MTX2: variants seen among roughly 807,000 people sequenced by gnomAD.
MTX2 encodes the protein metaxin-2.
In MTX2, 35 loss-of-function variants were observed where a neutral mutation model predicts 42.3. That is an observed-to-expected ratio of 0.83 (90% CI 0.63 to 1.10). The LOEUF is 1.10. Ranked by LOEUF, MTX2 falls within the 50% of genes least tolerant of loss-of-function variation. The pLI, the probability that MTX2 is intolerant of heterozygous loss-of-function variation, is 0.00. For synonymous variants in MTX2, 119 were observed against 100.9 expected, an observed-to-expected ratio of 1.18 and a Z score of -1.08; for missense variants, 307 against 304.1, an observed-to-expected ratio of 1.01 and a Z score of -0.07.
At chr2:176,298,243 T>G (rs1683939037) in intron 3 of MTX2, among the ~76,000 whole-genome samples, 1 of 152,098 alleles carries the variant, frequency 6.6e-6, no homozygotes, top group Admixed American at 6.6e-5. Context: ...GGACTCACAA[T>G]TATTTTCTAA....
Position 176,308,146 on chromosome 2 carries a change from G to A in MTX2, c.135+10251G>A, listed in dbSNP as rs186861353. On this transcript the variant is annotated intron_variant, in intron 3 of 9. Coordinates refer to ENST00000249442, the MANE Select transcript of MTX2 (RefSeq NM_006554.5). ...TTTGTCAAAGGCCTTTTCTGCATCT[G>A]TTGAGATAATCATGTGGTTTTTTTC... 1.5e-3 allele frequency among the ~76,000 whole-genome samples: 224 copies of A among 152,140 alleles called. 2 individuals are homozygous for A. The highest frequency in any genetic ancestry group is 8.2e-3 in the Admixed American group (125 of 15,276).
chr2:176,306,450 G>GTAAT (rs1048495142), intron 3 of MTX2, among the ~76,000 whole-genome samples: 25 of 152,162 alleles, frequency 1.6e-4, no homozygotes, highest in African/African-American at 4.6e-4. Flanking sequence ...GGCTCAAATG[G>GTAAT]TAATTCTAGT....
chr2:176,327,075 G>A (rs1684726044), intron 5 of MTX2, among the ~76,000 whole-genome samples, 174 bp downstream of exon 5: 1 of 126,724 alleles, frequency 7.9e-6, no homozygotes. Context: ...TGGCAAAAGA[G>A]GTAGCTTTTT....
chr2:176,316,420 T>C (rs1170049961), intron 3 of MTX2, among the ~76,000 whole-genome samples: 1 of 152,132 alleles, frequency 6.6e-6, no homozygotes, highest in Non-Finnish European at 1.5e-5. Context: ...GTTTTTGTTT[T>C]GACAGGGTCT....
chr2:176,301,540 G>T (rs1274554402), intron 3 of MTX2, among the ~76,000 whole-genome samples: 1 of 152,094 alleles, frequency 6.6e-6, no homozygotes, highest in African/African-American at 2.4e-5. Context: ...TTTTCCTACA[G>T]ATTAGGAAGG....
At chr2:176,335,064 T>G (rs1684956341) in intron 9 of MTX2, among the ~76,000 whole-genome samples, 1 of 151,822 alleles carries the variant, frequency 6.6e-6, no homozygotes. Context: ...AATTATATGG[T>G]ATTAATTATC....
intron 3 of MTX2, among the ~76,000 whole-genome samples, chr2:176,319,687 T>C (rs1489507710): frequency 6.6e-6 from 1 of 152,038 alleles, no homozygotes; most frequent in Non-Finnish European, 1.5e-5. Flanking sequence ...GTGATTCTCC[T>C]GCCTCACCCT....
chr2:176,295,264 G>C (rs146653717), intron 1 of MTX2, among the ~76,000 whole-genome samples: 1 of 152,216 alleles, frequency 6.6e-6, no homozygotes, highest in East Asian at 1.9e-4. Flanking sequence ...TGATGATTTA[G>C]AATTTTATAA....
chr2:176,333,857 A>G (rs1316922195), intron 9 of MTX2, among the ~76,000 whole-genome samples: 1 of 151,740 alleles, frequency 6.6e-6, no homozygotes, highest in East Asian at 1.9e-4. Context: ...CCTATTAGCA[A>G]TAGGGTGTAC....
chr2:176,324,888 C>G (rs968876738), intron 4 of MTX2, among the ~76,000 whole-genome samples: 18 of 151,640 alleles, frequency 1.2e-4, no homozygotes, highest in African/African-American at 4.4e-4. Context: ...TATTCTCTTT[C>G]ATTTAATGAT....
At chr2:176,298,596 A>G (rs577419735) in intron 3 of MTX2, among the ~76,000 whole-genome samples, 11 of 152,256 alleles carry the variant, frequency 7.2e-5, no homozygotes, top group South Asian at 2.1e-4. Context: ...AACATTTTGC[A>G]TATTTAGCTG....
chr2:176,336,445 C>A (rs747831594), intron 9 of MTX2, among the ~76,000 whole-genome samples: 1 of 151,894 alleles, frequency 6.6e-6, no homozygotes, highest in Non-Finnish European at 1.5e-5. Context: ...TTTTTTTGGT[C>A]CTATCACCAC....
At chr2:176,310,267 A>G (rs931397975) in intron 3 of MTX2, among the ~76,000 whole-genome samples, 1 of 136,876 alleles carries the variant, frequency 7.3e-6, no homozygotes, top group Admixed American at 7.3e-5. Flanking sequence ...GTTTCTGCCG[A>G]GAGATCTGTT....
chr2:176,294,554 C>T (rs1312086530), intron 1 of MTX2, among the ~76,000 whole-genome samples: 1 of 152,144 alleles, frequency 6.6e-6, no homozygotes, highest in East Asian at 1.9e-4. Context: ...GGATTACAGG[C>T]GTGAGCCATG....
intron 3 of MTX2, among the ~76,000 whole-genome samples, chr2:176,306,998 A>G (rs1684166171): frequency 6.6e-6 from 1 of 152,154 alleles, no homozygotes; most frequent in African/African-American, 2.4e-5. Context: ...TGTGTCCTGA[A>G]TGGTATTGCC....
intron 3 of MTX2, among the ~76,000 whole-genome samples, chr2:176,300,250 T>A (rs1046019489): frequency 1.3e-5 from 2 of 152,136 alleles, no homozygotes; most frequent in African/African-American, 4.8e-5. Flanking sequence ...TACTATTCTC[T>A]GTTACCCCCA....
chr2:176,270,162 A>C (rs1187156706), intron 1 of MTX2: 2 of 330,848 alleles, frequency 6.0e-6, no homozygotes, highest in Admixed American at 4.0e-5. Context: ...CTAAGACTCT[A>C]GGAGTTATTT....
At chr2:176,319,405 C>T (rs1160008239) in intron 3 of MTX2, among the ~76,000 whole-genome samples, 1 of 147,180 alleles carries the variant, frequency 6.8e-6, no homozygotes, top group African/African-American at 2.5e-5. Context: ...AGGGTGTTTA[C>T]ATTATTGAAG....
At chr2:176,270,286 T>A (rs768070279) in intron 1 of MTX2, 5 of 1,229,592 alleles carry the variant, frequency 4.1e-6, no homozygotes, top group Non-Finnish European at 5.3e-6. Context: ...TTCTCCTGCC[T>A]TAGCCTCCCG....
Sources: gnomAD v4.1 joint callset for allele counts (sites outside exome capture counted in the v4.1 genomes callset) on GRCh38, gnomAD v4.1.1 for gene constraint, MANE v1.5 for transcripts, NCBI Gene and HGNC (gene_info 2026-07-23, HGNC 2026-07-21) for gene names.